Variants in CSMD3 observed in about 807,000 individuals in gnomAD.
CSMD3 encodes CUB and sushi domain-containing protein 3.
In CSMD3, 177 loss-of-function variants were observed where a neutral mutation model predicts 435.2. The ratio of observed to expected loss-of-function variants is 0.41; its 90% CI spans 0.36 to 0.46. The LOEUF (loss-of-function observed/expected upper bound fraction) is 0.46, where lower values mean the gene tolerates loss of function less well. Among genes scored for constraint, CSMD3 ranks in the 20% least tolerant of loss-of-function variants. CSMD3 has a pLI of 0.34. For synonymous variants in CSMD3, 1,656 were observed against 1,520.5 expected (o/e 1.09, Z -2.07); for missense variants, 4,265 against 4,504.6 (o/e 0.95, Z 1.52).
At chr8:112,330,553 T>A (rs1200020845) in intron 45 of CSMD3, among the ~76,000 whole-genome samples, 1 of 152,174 alleles carries the variant, frequency 6.6e-6, no homozygotes, top group South Asian at 2.1e-4. Context: ...TCAATAAAAT[T>A]TTTTCTCTTG....
Position 113,436,770 on chromosome 8 carries a change from G to T in CSMD3, c.85C>A (p.Arg29Ser), listed in dbSNP as rs373917048. Reference sequence around the variant, plus strand: ...TTCTTCATCAGGATGAAGTCTAGGCGGCCACATTTAGCGCATCTTCGCTTG... The same window carrying T: ...TTCTTCATCAGGATGAAGTCTAGGCTGCCACATTTAGCGCATCTTCGCTTG... ...PGKRRCAKCG[R>S]LDFILMKKMG... The change falls in exon 1 of 71, where the codon CGC becomes AGC. Residue 29 changes from arginine (R) to serine (S), a missense_variant. Arg to Ser is a moderately radical substitution (Grantham distance 110). Around this residue, in one of 3 missense-constraint regions of CSMD3, gnomAD observed 731 missense variants for 755.4 expected, o/e 0.97. Coordinates refer to ENST00000297405, the MANE Select transcript of CSMD3 (RefSeq NM_198123.2). 5 of 1,614,048 alleles carry T rather than the reference G, an allele frequency of 3.1e-6. No homozygotes were observed. The highest frequency in any genetic ancestry group is 1.1e-5 in the South Asian group (1 of 91,074).
chr8:112,460,352 T>C (rs975740970), intron 32 of CSMD3, among the ~76,000 whole-genome samples: 3 of 151,958 alleles, frequency 2.0e-5, no homozygotes, highest in African/African-American at 7.2e-5. Context: ...AATTTAGAGA[T>C]AGTAAGGAGA....
intron 12 of CSMD3, among the ~76,000 whole-genome samples, chr8:112,816,449 T>C (rs2079377640): frequency 6.6e-6 from 1 of 152,284 alleles, no homozygotes; most frequent in African/African-American, 2.4e-5. Flanking sequence ...TTTCATACCG[T>C]GGCAATTAAT....
chr8:113,331,530 T>C (rs1011013409), intron 1 of CSMD3, among the ~76,000 whole-genome samples: 2 of 151,674 alleles, frequency 1.3e-5, no homozygotes, highest in Non-Finnish European at 3.0e-5. Context: ...AAAAATATCC[T>C]TGATGAAATA....
At chr8:113,214,471 A>T (rs188751825) in intron 3 of CSMD3, among the ~76,000 whole-genome samples, 3 of 152,098 alleles carry the variant, frequency 2.0e-5, no homozygotes, top group South Asian at 2.1e-4. Context: ...ATCTATAAGG[A>T]TCACAATTTC....
intron 22 of CSMD3, among the ~76,000 whole-genome samples, chr8:112,628,891 G>A (rs1278687359): frequency 2.0e-5 from 3 of 152,052 alleles, no homozygotes; most frequent in African/African-American, 7.2e-5. Flanking sequence ...GGAGATTGGG[G>A]TTAAGAGAAT....
At chr8:112,990,747 T>C (rs2085426548) in intron 6 of CSMD3, among the ~76,000 whole-genome samples, 1 of 151,756 alleles carries the variant, frequency 6.6e-6, no homozygotes, top group Non-Finnish European at 1.5e-5. Context: ...GTAGAGAGCA[T>C]ATTATGAGAA....
intron 32 of CSMD3, among the ~76,000 whole-genome samples, chr8:112,467,738 G>A (rs1818103893): frequency 6.6e-6 from 1 of 152,078 alleles, no homozygotes; most frequent in East Asian, 1.9e-4. Flanking sequence ...CAGACACACA[G>A]AAACAGACAG....
At chr8:112,931,915 G>A (rs1000571095) in intron 9 of CSMD3, among the ~76,000 whole-genome samples, 1 of 152,116 alleles carries the variant, frequency 6.6e-6, no homozygotes, top group Non-Finnish European at 1.5e-5. Context: ...ACCACAGTTA[G>A]AAGGGCTATT....
chr8:112,430,514 C>G (rs1449817906), intron 32 of CSMD3, among the ~76,000 whole-genome samples: 1 of 151,810 alleles, frequency 6.6e-6, no homozygotes, highest in African/African-American at 2.4e-5. Context: ...TAATTACTAA[C>G]TGGGATCAGG....
chr8:112,439,012 A>T (rs1814688306), intron 32 of CSMD3, among the ~76,000 whole-genome samples: 1 of 152,342 alleles, frequency 6.6e-6, no homozygotes, highest in African/African-American at 2.4e-5. Flanking sequence ...CTCCCTGCTT[A>T]AATTTTCTCA....
intron 4 of CSMD3, among the ~76,000 whole-genome samples, chr8:113,100,783 G>T (rs972766630): frequency 6.6e-6 from 1 of 152,056 alleles, no homozygotes; most frequent in Non-Finnish European, 1.5e-5. Context: ...AAAAATAAAT[G>T]ATTTAACTTA....
At chr8:113,159,328 T>C (rs1341426731) in intron 4 of CSMD3, among the ~76,000 whole-genome samples, 1 of 152,016 alleles carries the variant, frequency 6.6e-6, no homozygotes, top group Non-Finnish European at 1.5e-5. Context: ...TGTGCCAATA[T>C]TGGCCAATAA....
rs557679324 is a variant in CSMD3, at chr8:112,383,508, A to AT, written c.6031+58dup. The AT allele has an allele frequency of 2.4e-4, 241 of 992,966 alleles. 1 individual carries two copies. In the East Asian group the frequency reaches 5.1e-3, roughly 21 times the overall value. The allele number at this position is 992,966 out of a possible 1,614,324, so 61.5% of individuals were successfully genotyped here. On this transcript the variant is annotated intron_variant, in intron 37 of 70. Transcript: ENST00000297405. Reference sequence around the variant, plus strand: ...AGTAAGAGTTGTAGATAGCTCTTTAATTTTTTTTATATTCCTAATTATATC... The same window carrying AT: ...AGTAAGAGTTGTAGATAGCTCTTTAATTTTTTTTTATATTCCTAATTATATC...
chr8:112,977,995 A>G (rs1396751771), intron 6 of CSMD3, among the ~76,000 whole-genome samples: 2 of 152,056 alleles, frequency 1.3e-5, no homozygotes, highest in Non-Finnish European at 2.9e-5. Flanking sequence ...TCATACATAC[A>G]TCATGATGAG....
At chr8:112,911,915 T>C (rs1311318184) in intron 10 of CSMD3, among the ~76,000 whole-genome samples, 1 of 148,634 alleles carries the variant, frequency 6.7e-6, no homozygotes, top group Non-Finnish European at 1.5e-5. Context: ...TATATCTTTA[T>C]GAGGCATGAA....
intron 3 of CSMD3, among the ~76,000 whole-genome samples, chr8:113,174,171 T>TA (rs1286334883): frequency 1.3e-5 from 2 of 152,136 alleles, no homozygotes; most frequent in Admixed American, 6.6e-5. Context: ...TTCAGAGCAT[T>TA]ACTCATATAT....
intron 35 of CSMD3, among the ~76,000 whole-genome samples, chr8:112,392,177 C>T (rs1420787291): frequency 6.6e-6 from 1 of 151,908 alleles, no homozygotes; most frequent in Non-Finnish European, 1.5e-5. Flanking sequence ...GTACTGTGCT[C>T]CTGGGGAATT....
intron 6 of CSMD3, among the ~76,000 whole-genome samples, chr8:112,988,593 AT>A (rs1411215846): frequency 1.3e-5 from 2 of 152,082 alleles, no homozygotes; most frequent in South Asian, 4.1e-4. Flanking sequence ...AATGTGTATC[AT>A]TTTTGCCACC....
Sources: gnomAD v4.1 joint callset for allele counts (sites outside exome capture counted in the v4.1 genomes callset) on GRCh38, gnomAD v4.1.1 for gene constraint, gnomAD v4.1.1 regional missense constraint, MANE v1.5 for transcripts, NCBI Gene and HGNC (gene_info 2026-07-23, HGNC 2026-07-21) for gene names.